The following CTPS2 variants were observed in gnomAD, a reference collection of about 807,000 sequenced individuals.
CTPS2 encodes CTP synthase II.
In CTPS2, 19 loss-of-function variants were observed where a neutral mutation model predicts 46.8. That is an observed-to-expected ratio of 0.41 (90% CI 0.28 to 0.60). CTPS2 has a LOEUF of 0.60. Ranked by LOEUF, CTPS2 falls within the 20% of genes least tolerant of loss-of-function variation. CTPS2 has a pLI of 0.35. For missense variants in CTPS2, 286 were observed against 447.6 expected (o/e 0.64, Z 3.26); for synonymous variants, 151 against 165.2 (o/e 0.91, Z 0.66).
chrX:16,678,395 A>T lies in CTPS2; in HGVS notation c.1061T>A (p.Phe354Tyr), dbSNP rs1464284459. The change falls in exon 10 of 19, where the codon TTT (phenylalanine) becomes TAT (tyrosine). Residue 354 changes from phenylalanine (F) to tyrosine (Y), a missense_variant. By Grantham distance (22) the Phe-to-Tyr change is conservative. Transcript: ENST00000359276. ...GCATAGCTTCTGCCAAGCTTCATGAAATTTCACAGGGTCCTCGGTTTCAGT... is the reference window on the plus strand; with the variant it reads ...GCATAGCTTCTGCCAAGCTTCATGATATTTCACAGGGTCCTCGGTTTCAGT... ...KITETEDPVK[F>Y]HEAWQKLCKA... 1 of 1,205,105 alleles carries T rather than the reference A, an allele frequency of 8.3e-7. No individual in the cohort carries two copies. The highest frequency in any genetic ancestry group is 1.1e-6 in the Non-Finnish European group (1 of 890,778).
Position 16,609,550 on chromosome X carries a change from A to G in CTPS2, c.1682T>C (p.Leu561Pro), listed in dbSNP as rs1286171909. 1 of 1,211,100 alleles carries G rather than the reference A, an allele frequency of 8.3e-7. No individual in the cohort carries two copies. Among genetic ancestry groups the G allele is most frequent in the Admixed American group, 2.2e-5 (1 of 46,027 alleles). ...LNAYLQQGCK[L>P]SSSDRYSDAS... ...GCAGTAAGCTGGTTACCTGGAAGAC[A>G]GTTTGCAACCCTGTTGCAAGTAGGC... Residue 561 changes from leucine to proline, a missense_variant, in exon 17 of 19, where the codon CTG (leucine) becomes CCG (proline). Physicochemically the swap from Leu to Pro is moderately conservative, Grantham distance 98 (BLOSUM62 -3). Transcript: ENST00000359276.
chrX:16,626,492 G>A (rs185865575), intron 14 of CTPS2, among the ~76,000 whole-genome samples: 1 of 111,691 alleles, frequency 9.0e-6, no homozygotes, highest in East Asian at 2.8e-4. Context: ...GAGTTCTGGA[G>A]ACTGTACAAC....
At chrX:16,672,316 C>T (rs567744005) in intron 10 of CTPS2, among the ~76,000 whole-genome samples, 6 of 111,580 alleles carry the variant, frequency 5.4e-5, no homozygotes, top group South Asian at 3.8e-4. Context: ...CCTTCACGAC[C>T]GACAAGCGGC....
chrX:16,692,399 A>AG (rs1475632455), intron 6 of CTPS2, among the ~76,000 whole-genome samples: 1 of 110,800 alleles, frequency 9.0e-6, no homozygotes, highest in Non-Finnish European at 1.9e-5. Context: ...CCCAGGAGGC[A>AG]GAGGTTGCAG....
At chrX:16,612,503 A>G (rs1930312649) in intron 16 of CTPS2, among the ~76,000 whole-genome samples, 1 of 112,575 alleles carries the variant, frequency 8.9e-6, no homozygotes. Flanking sequence ...AGAAGAATTA[A>G]AAGTGAATAA....
chrX:16,620,809 T>A (rs1291879407), intron 14 of CTPS2, among the ~76,000 whole-genome samples: 2 of 111,944 alleles, frequency 1.8e-5, no homozygotes, highest in Non-Finnish European at 3.8e-5. Context: ...GGCCCAATGC[T>A]TTCTCCACTC....
At chrX:16,637,980 G>C (rs945468737) in intron 14 of CTPS2, among the ~76,000 whole-genome samples, 19 of 111,744 alleles carry the variant, frequency 1.7e-4, no homozygotes, top group African/African-American at 6.2e-4. Context: ...TTCTTGCCGG[G>C]CGTGGTGACT....
intron 10 of CTPS2, 36 bp from the exon 11 acceptor site, chrX:16,670,710 T>G: frequency 9.7e-7 from 1 of 1,029,614 alleles, no homozygotes; most frequent in Non-Finnish European, 1.3e-6. Flanking sequence ...AACTTGACTA[T>G]CCATTTTTTT....
At chrX:16,693,305 G>T in intron 5 of CTPS2, 66 bp downstream of exon 5, 1 of 1,065,221 alleles carries the variant, frequency 9.4e-7, no homozygotes, top group Non-Finnish European at 1.3e-6. Flanking sequence ...TCAAATGCAG[G>T]ACACATAGAA....
chrX:16,595,719 C>G (rs751612696), intron 17 of CTPS2, among the ~76,000 whole-genome samples: 2 of 112,171 alleles, frequency 1.8e-5, no homozygotes, highest in African/African-American at 6.5e-5. Context: ...TAGCCATGTG[C>G]GCCTAGTGCC....
chrX:16,683,354 T>A, intron 8 of CTPS2, 128 bp from the exon 9 acceptor site: 1 of 646,076 alleles, frequency 1.5e-6, no homozygotes, highest in Middle Eastern at 5.0e-4. Flanking sequence ...TCCTAGCTAC[T>A]CAGGAGGCTG....
intron 1 of CTPS2, among the ~76,000 whole-genome samples, chrX:16,710,071 AC>A (rs1255251471): frequency 9.2e-6 from 1 of 109,229 alleles, no homozygotes; most frequent in Non-Finnish European, 1.9e-5. Flanking sequence ...AGAAACTAGA[AC>A]CCTTTTCCCC....
chrX:16,711,325 G>A (rs762683735), intron 1 of CTPS2, among the ~76,000 whole-genome samples: 110 of 111,690 alleles, frequency 9.8e-4, no homozygotes, highest in African/African-American at 3.5e-3. Flanking sequence ...GAAATCAGGT[G>A]CCTGTACTCA....
At chrX:16,623,394 C>T (rs1249240333) in intron 14 of CTPS2, among the ~76,000 whole-genome samples, 5 of 111,366 alleles carry the variant, frequency 4.5e-5, no homozygotes, top group Non-Finnish European at 9.4e-5. Context: ...TTAACAATCC[C>T]CACCTCCCTA....
intron 8 of CTPS2, among the ~76,000 whole-genome samples, chrX:16,686,917 T>A (rs1316127940): frequency 2.4e-4 from 25 of 103,862 alleles, no homozygotes; most frequent in Admixed American, 4.2e-4. Context: ...AAAAAAAAAA[T>A]AAATAAGGAA....
chrX:16,695,002 A>C (rs111290373), intron 4 of CTPS2, among the ~76,000 whole-genome samples: 1 of 106,926 alleles, frequency 9.4e-6, no homozygotes. Flanking sequence ...TCTCTTTAAA[A>C]AACAACAACA....
intron 17 of CTPS2, among the ~76,000 whole-genome samples, chrX:16,604,923 C>T (rs1297799959): frequency 1.8e-5 from 2 of 111,868 alleles, no homozygotes; most frequent in South Asian, 7.4e-4. Flanking sequence ...CATTATTTCC[C>T]ATTTGATTTT....
At chrX:16,658,037 C>T (rs1932860709) in intron 13 of CTPS2, among the ~76,000 whole-genome samples, 1 of 110,659 alleles carries the variant, frequency 9.0e-6, no homozygotes, top group Admixed American at 9.6e-5. Flanking sequence ...GAAACCCTGT[C>T]TCTACAAAAA....
At chrX:16,597,512 G>A (rs1278756087) in intron 17 of CTPS2, among the ~76,000 whole-genome samples, 5 of 111,353 alleles carry the variant, frequency 4.5e-5, no homozygotes, top group East Asian at 2.8e-4. Context: ...GCAGATATGC[G>A]GTGTTATTTC....
Sources: gnomAD v4.1 joint callset for allele counts (sites outside exome capture counted in the v4.1 genomes callset) on GRCh38, gnomAD v4.1.1 for gene constraint, MANE v1.5 for transcripts, NCBI Gene and HGNC (gene_info 2026-07-23, HGNC 2026-07-21) for gene names.